FSTL5: variants seen among roughly 807,000 people sequenced by gnomAD.
FSTL5 encodes follistatin like 5, also known as follistatin-related protein 5.
A neutral mutation model predicts 89.1 loss-of-function variants in FSTL5; 62 were observed. That is an observed-to-expected ratio of 0.70 (90% confidence interval 0.57 to 0.86). The LOEUF (loss-of-function observed/expected upper bound fraction) is 0.86. FSTL5 is among the 40% of genes least tolerant of loss of function. The pLI is 0.00. For synonymous variants in FSTL5, 383 were observed against 346.2 expected (o/e 1.11, Z -1.18); for missense variants, 1,057 against 1,001.6 (o/e 1.06, Z -0.75).
chr4:162,040,734 A>T (rs1472770710), intron 2 of FSTL5, among the ~76,000 whole-genome samples: 1 of 152,098 alleles, frequency 6.6e-6, no homozygotes, highest in Non-Finnish European at 1.5e-5. Flanking sequence ...TTAGAATTTG[A>T]GTCATATCCC....
At chr4:162,052,634 T>C (rs1016609177) in intron 2 of FSTL5, among the ~76,000 whole-genome samples, 3 of 151,626 alleles carry the variant, frequency 2.0e-5, no homozygotes, top group African/African-American at 7.2e-5. Flanking sequence ...TTTGTACCAA[T>C]GGAGAATTCA....
intron 10 of FSTL5, among the ~76,000 whole-genome samples, chr4:161,537,930 T>C (rs1170823146): frequency 2.0e-5 from 3 of 152,162 alleles, no homozygotes; most frequent in Non-Finnish European, 4.4e-5. Flanking sequence ...TGAAACACCA[T>C]ATGTACACTT....
intron 4 of FSTL5, among the ~76,000 whole-genome samples, chr4:161,892,664 C>G (rs957725521): frequency 6.6e-6 from 1 of 151,992 alleles, no homozygotes; most frequent in Non-Finnish European, 1.5e-5. Flanking sequence ...ATTTCCACAT[C>G]ACAGTTTAAT....
chr4:161,394,990 T>C (rs1418595935), intron 15 of FSTL5, among the ~76,000 whole-genome samples: 1 of 152,146 alleles, frequency 6.6e-6, no homozygotes, highest in East Asian at 1.9e-4. Flanking sequence ...ATAGCCTTTT[T>C]GTAGATACCA....
chr4:161,823,956 A>G (rs372746124), intron 4 of FSTL5, among the ~76,000 whole-genome samples: 74 of 152,202 alleles, frequency 4.9e-4, no homozygotes, highest in African/African-American at 1.6e-3. Context: ...TTCCCACTCT[A>G]TGGGTTGTCT....
At chr4:162,019,035 T>C (rs556661868) in intron 3 of FSTL5, among the ~76,000 whole-genome samples, 1 of 152,258 alleles carries the variant, frequency 6.6e-6, no homozygotes, top group Non-Finnish European at 1.5e-5. Flanking sequence ...CCTTTGATAA[T>C]ATTATTCGTG....
chr4:161,430,847 G>A (rs62326364), intron 15 of FSTL5, among the ~76,000 whole-genome samples: 21,360 of 152,170 alleles, frequency 0.14, 1,766 homozygotes, highest in East Asian at 0.24. Flanking sequence ...TGGAGCTCCA[G>A]TACATTGGCA....
intron 7 of FSTL5, among the ~76,000 whole-genome samples, chr4:161,638,302 G>A (rs1278629994): frequency 1.3e-5 from 2 of 151,524 alleles, no homozygotes; most frequent in African/African-American, 2.4e-5. Context: ...TGTGATTTTT[G>A]TACATTGATT....
Position 161,538,602 on chromosome 4 carries a change from A to G in FSTL5, c.1178-302T>C, listed in dbSNP as rs562711066. ...TATTGATAAGTATAATTTCATTTAT[A>G]TATTTACTTATAATATTCAGAACCT... is the stretch of plus-strand genomic sequence containing the variant. On this transcript the variant is annotated intron_variant, in intron 9 of 15. Coordinates refer to ENST00000306100, the MANE Select transcript of FSTL5 (RefSeq NM_020116.5). 1.2e-3 allele frequency among the ~76,000 whole-genome samples: 178 copies of G among 152,250 alleles called. 2 individuals carry two copies. Among genetic ancestry groups the G allele is most frequent in the African/African-American group, 4.2e-3 (173 of 41,530 alleles).
intron 13 of FSTL5, among the ~76,000 whole-genome samples, chr4:161,474,615 G>A (rs1409205894): frequency 1.3e-5 from 2 of 150,100 alleles, no homozygotes; most frequent in East Asian, 2.0e-4. Context: ...GCAGGATCTC[G>A]GTTCACTGCA....
intron 7 of FSTL5, among the ~76,000 whole-genome samples, chr4:161,633,416 G>A (rs751743433): frequency 3.1e-4 from 47 of 151,514 alleles, no homozygotes; most frequent in Non-Finnish European, 6.0e-4. Flanking sequence ...GCGCGATCGC[G>A]GCTCACTGCA....
intron 8 of FSTL5, among the ~76,000 whole-genome samples, chr4:161,544,139 T>TA (rs929325633): frequency 2.0e-5 from 3 of 151,498 alleles, no homozygotes; most frequent in Admixed American, 1.3e-4. Flanking sequence ...ATTAAAAAAT[T>TA]AAAAAAAATC....
chr4:161,415,501 C>T (rs746764317), intron 15 of FSTL5, among the ~76,000 whole-genome samples: 16 of 152,030 alleles, frequency 1.1e-4, no homozygotes, highest in Non-Finnish European at 1.6e-4. Flanking sequence ...GTGATCCACC[C>T]GCATCAACCT....
At chr4:162,021,391 T>G (rs1239102147) in intron 3 of FSTL5, among the ~76,000 whole-genome samples, 5 of 152,136 alleles carry the variant, frequency 3.3e-5, no homozygotes, top group African/African-American at 1.2e-4. Flanking sequence ...GTATTTAATC[T>G]CCAAGACTCA....
chr4:161,576,197 A>T (rs543974498), intron 8 of FSTL5, among the ~76,000 whole-genome samples: 2 of 152,358 alleles, frequency 1.3e-5, no homozygotes, highest in African/African-American at 4.8e-5. Flanking sequence ...AAAACATTCC[A>T]TGCTCATAGA....
intron 1 of FSTL5, among the ~76,000 whole-genome samples, chr4:162,163,286 G>A (rs1050605507): frequency 6.6e-6 from 1 of 151,802 alleles, no homozygotes; most frequent in Non-Finnish European, 1.5e-5. Flanking sequence ...TTCCTGGAAT[G>A]GTTCCTATCC....
intron 2 of FSTL5, among the ~76,000 whole-genome samples, chr4:162,050,292 A>G (rs1315154870): frequency 6.6e-6 from 1 of 151,440 alleles, no homozygotes; most frequent in Admixed American, 6.6e-5. Context: ...ATACTCATAC[A>G]GGAAAAATAA....
intron 15 of FSTL5, among the ~76,000 whole-genome samples, chr4:161,400,023 G>T (rs1461552872): frequency 6.6e-6 from 1 of 151,970 alleles, no homozygotes; most frequent in African/African-American, 2.4e-5. Context: ...TAATAAAATA[G>T]ACTAGTATCT....
At chr4:161,398,520 A>G (rs575206610) in intron 15 of FSTL5, among the ~76,000 whole-genome samples, 1 of 152,228 alleles carries the variant, frequency 6.6e-6, no homozygotes, top group South Asian at 2.1e-4. Context: ...TTATAAAAGG[A>G]GACTTTTCTT....
Sources: allele counts gnomAD v4.1 joint callset (sites outside exome capture counted in the v4.1 genomes callset), GRCh38; gene constraint gnomAD v4.1.1; transcripts MANE v1.5; gene names NCBI Gene and HGNC (gene_info 2026-07-23, HGNC 2026-07-21).